GALNT17: variants seen among roughly 807,000 people sequenced by gnomAD.
GALNT17 encodes polypeptide N-acetylgalactosaminyltransferase 17, also known as UDP-GalNAc:polypeptide N-acetylgalactosaminyltransferase-like 3.
GALNT17 carries 29 observed loss-of-function variants against 63.7 expected under a neutral mutation model. That is an observed-to-expected ratio of 0.46 (90% CI 0.34 to 0.62). The LOEUF is 0.62. Among genes scored for constraint, GALNT17 ranks in the 20% least tolerant of loss-of-function variants. GALNT17 has a pLI of 0.01. For synonymous variants in GALNT17, 305 were observed against 318.3 expected (o/e 0.96, Z 0.45); for missense variants, 603 against 799.6 (o/e 0.75, Z 2.97).
At chr7:71,639,280 T>A (rs1790571699) in intron 6 of GALNT17, among the ~76,000 whole-genome samples, 1 of 152,156 alleles carries the variant, frequency 6.6e-6, no homozygotes, top group Admixed American at 6.6e-5. Context: ...TAAAAACCAT[T>A]TGAGGAGACT....
chr7:71,373,936 T>A (rs1442669672), intron 2 of GALNT17, among the ~76,000 whole-genome samples: 1 of 152,234 alleles, frequency 6.6e-6, no homozygotes, highest in South Asian at 2.1e-4. Flanking sequence ...GGTTTCCTTA[T>A]ACCCTTTCCT....
At chr7:71,356,928 C>T (rs892972376) in intron 2 of GALNT17, among the ~76,000 whole-genome samples, 1 of 151,928 alleles carries the variant, frequency 6.6e-6, no homozygotes, top group Non-Finnish European at 1.5e-5. Context: ...ATTACAGGCA[C>T]GCACCACCAT....
At position 71,377,107 on chromosome 7, in the gene GALNT17, T is replaced by TAAAA. The variant is rs1237223835; in HGVS notation, c.423-11123_423-11120dup. On this transcript the variant is annotated intron_variant, in intron 2 of 10. Coordinates refer to ENST00000333538, the MANE Select transcript of GALNT17 (RefSeq NM_022479.3). Reference sequence around the variant, plus strand: ...TCTCAAAAAAAAAAAAAAATAAAAATAAAAAAAATATATATATATATATAT... The same window carrying TAAAA: ...TCTCAAAAAAAAAAAAAAATAAAAATAAAAAAAAAAAATATATATATATATATAT... Among the ~76,000 whole-genome samples, 24 of 57,750 alleles carry TAAAA rather than the reference T, an allele frequency of 4.2e-4. 1 individual carries two copies. The highest frequency in any genetic ancestry group is 1.8e-3 in the South Asian group (3 of 1,634). The allele number at this position is 57,750 out of a possible 152,430, so 37.9% of individuals were successfully genotyped here.
At chr7:71,480,969 C>G (rs377614841) in intron 5 of GALNT17, among the ~76,000 whole-genome samples, 2 of 152,232 alleles carry the variant, frequency 1.3e-5, no homozygotes, top group African/African-American at 2.4e-5. Flanking sequence ...GGGAGGGAAC[C>G]TCTGCCACCA....
chr7:71,615,391 A>T (rs1790186278), intron 6 of GALNT17, among the ~76,000 whole-genome samples: 1 of 149,652 alleles, frequency 6.7e-6, no homozygotes, highest in Non-Finnish European at 1.5e-5. Context: ...TGGGCCCCAG[A>T]TGTGGCTTTT....
intron 2 of GALNT17, among the ~76,000 whole-genome samples, chr7:71,358,251 C>G (rs1210443673): frequency 6.6e-6 from 1 of 152,178 alleles, no homozygotes; most frequent in Non-Finnish European, 1.5e-5. Context: ...CAAAAATTAG[C>G]CAGGCATGGT....
chr7:71,570,313 G>T (rs979301522), intron 5 of GALNT17, among the ~76,000 whole-genome samples: 1 of 152,036 alleles, frequency 6.6e-6, no homozygotes, highest in African/African-American at 2.4e-5. Flanking sequence ...CATTTATGAT[G>T]GATACCTTTA....
chr7:71,148,585 C>G (rs1214189977), intron 1 of GALNT17, among the ~76,000 whole-genome samples: 1 of 152,034 alleles, frequency 6.6e-6, no homozygotes, highest in East Asian at 1.9e-4. Flanking sequence ...CTAATACATT[C>G]CATTGAATAT....
intron 1 of GALNT17, among the ~76,000 whole-genome samples, chr7:71,237,511 GAAAAA>G (rs369921098): frequency 1.3e-5 from 1 of 78,128 alleles, no homozygotes; most frequent in Non-Finnish European, 2.6e-5. Context: ...TCCCATCTCT[GAAAAA>G]AAAAAAAAAA....
At chr7:71,475,056 A>G (rs950611547) in intron 5 of GALNT17, among the ~76,000 whole-genome samples, 2 of 152,134 alleles carry the variant, frequency 1.3e-5, no homozygotes, top group African/African-American at 4.8e-5. Context: ...CAGAGGGAAC[A>G]TGATCCTGCT....
At chr7:71,654,089 C>T (rs1790792495) in intron 6 of GALNT17, among the ~76,000 whole-genome samples, 1 of 152,136 alleles carries the variant, frequency 6.6e-6, no homozygotes, top group Non-Finnish European at 1.5e-5. Context: ...AATCTAGGCT[C>T]ATTGCAGCCT....
chr7:71,269,853 CT>C (rs1250489960), intron 1 of GALNT17, among the ~76,000 whole-genome samples: 1 of 152,140 alleles, frequency 6.6e-6, no homozygotes, highest in Non-Finnish European at 1.5e-5. Flanking sequence ...GAGCCCTTGC[CT>C]TTGTCCCCCA....
chr7:71,348,557 G>T (rs934829441), intron 2 of GALNT17, among the ~76,000 whole-genome samples: 6 of 152,148 alleles, frequency 3.9e-5, no homozygotes, highest in African/African-American at 1.4e-4. Context: ...AAATGGATCT[G>T]CTCTGTCACC....
intron 6 of GALNT17, among the ~76,000 whole-genome samples, chr7:71,620,280 T>A (rs1391414760): frequency 6.6e-6 from 1 of 152,204 alleles, no homozygotes; most frequent in Non-Finnish European, 1.5e-5. Flanking sequence ...CAGATTTTGG[T>A]ATCAGGCTGA....
At chr7:71,666,548 C>T (rs1006394719) in intron 7 of GALNT17, among the ~76,000 whole-genome samples, 1 of 151,758 alleles carries the variant, frequency 6.6e-6, no homozygotes, top group African/African-American at 2.4e-5. Flanking sequence ...TGTTATCCCT[C>T]GCCCCCCTCC....
chr7:71,645,816 G>A (rs766824720), intron 6 of GALNT17, among the ~76,000 whole-genome samples: 1 of 152,144 alleles, frequency 6.6e-6, no homozygotes, highest in Non-Finnish European at 1.5e-5. Context: ...TGTGAAGTCA[G>A]CTGGTGGAGT....
intron 6 of GALNT17, among the ~76,000 whole-genome samples, chr7:71,650,283 T>A (rs2117021039): frequency 6.6e-6 from 1 of 152,328 alleles, no homozygotes; most frequent in East Asian, 1.9e-4. Flanking sequence ...TCTCACTCAC[T>A]CTGTCGCCGA....
At chr7:71,289,424 C>A (rs575556570) in intron 1 of GALNT17, among the ~76,000 whole-genome samples, 1 of 151,902 alleles carries the variant, frequency 6.6e-6, no homozygotes, top group African/African-American at 2.4e-5. Context: ...ATGTTTTTCT[C>A]GTGATAAAGT....
At chr7:71,160,965 C>T (rs1788331976) in intron 1 of GALNT17, among the ~76,000 whole-genome samples, 1 of 152,078 alleles carries the variant, frequency 6.6e-6, no homozygotes. Context: ...TCCTGAGTAG[C>T]TGGGACTACA....
Sources: gnomAD v4.1 joint callset for allele counts (sites outside exome capture counted in the v4.1 genomes callset) on GRCh38, gnomAD v4.1.1 for gene constraint, MANE v1.5 for transcripts, NCBI Gene and HGNC (gene_info 2026-07-23, HGNC 2026-07-21) for gene names.